ASH1L: variants seen among roughly 807,000 people sequenced by gnomAD.
ASH1L encodes histone-lysine N-methyltransferase ASH1L.
Under a neutral mutation model 269.0 loss-of-function variants are expected in ASH1L, and 23 were observed. The ratio of observed to expected loss-of-function variants is 0.09; its 90% CI spans 0.06 to 0.12. The LOEUF (loss-of-function observed/expected upper bound fraction) is 0.12, where lower values mean the gene tolerates loss of function less well. ASH1L is among the 10% of genes least tolerant of loss of function. The pLI is 1.00. For missense variants in ASH1L, 2,912 were observed against 3,567.8 expected, an observed-to-expected ratio of 0.82 and a Z score of 4.68; for synonymous variants, 1,187 against 1,253.5, an observed-to-expected ratio of 0.95 and a Z score of 1.12.
At position 155,393,842 on chromosome 1, in the gene ASH1L, G is replaced by A. The variant is rs115559663; in HGVS notation, c.6103+1617C>T. ...GCTGGGGTTACAGGTGTGAGCCACCGCACCCAGCCTTCTCCTTTTCTTTCA... is the reference window on the plus strand; with the variant it reads ...GCTGGGGTTACAGGTGTGAGCCACCACACCCAGCCTTCTCCTTTTCTTTCA... On this transcript the variant is annotated intron_variant, in intron 7 of 27. Transcript: ENST00000392403. Among the ~76,000 whole-genome samples, 947 of 152,114 alleles carry A rather than the reference G, an allele frequency of 6.2e-3. 10 individuals are homozygous for A. Among genetic ancestry groups the A allele is most frequent in the African/African-American group, 0.022 (916 of 41,500 alleles).
At chr1:155,355,082 G>A (rs541955557) in intron 15 of ASH1L, among the ~76,000 whole-genome samples, 220 of 152,122 alleles carry the variant, frequency 1.4e-3, no homozygotes, top group Non-Finnish European at 2.4e-3. Context: ...TTGAGTCGAC[G>A]TCTCCCTCTG....
chr1:155,389,716 G>C (rs1376724289), intron 7 of ASH1L, among the ~76,000 whole-genome samples: 1 of 151,970 alleles, frequency 6.6e-6, no homozygotes, highest in Non-Finnish European at 1.5e-5. Flanking sequence ...CTATATGCAG[G>C]TTTTTCTTTT....
chr1:155,400,784 A>G (rs1051235896), intron 6 of ASH1L, among the ~76,000 whole-genome samples: 1 of 152,222 alleles, frequency 6.6e-6, no homozygotes, highest in African/African-American at 2.4e-5. Flanking sequence ...ATTTTACTAA[A>G]TTTAGATAAA....
chr1:155,434,280 G>C, intron 5 of ASH1L: 1 of 1,593,906 alleles, frequency 6.3e-7, no homozygotes, highest in Non-Finnish European at 8.5e-7. Flanking sequence ...GCCCTTCTAG[G>C]AATGGGGGAC....
chr1:155,478,266 C>A lies in ASH1L; in HGVS notation c.4604G>T (p.Arg1535Leu), dbSNP rs545474588. ...GERYKHKEKH[R>L]CHMSCPHLSP... ...GAGATGAGGGCAGGACATGTGACAA[C>A]GGTGCTTTTCCTTATGCTTATATCG... Residue 1535 changes from arginine (R) to leucine (L), a missense_variant, in exon 3 of 28, where the codon CGT (arginine) becomes CTT (leucine). Physicochemically the swap from Arg to Leu is moderately radical, Grantham distance 102 (BLOSUM62 -2). Transcript: ENST00000392403. The surrounding 1 kb of genome is among the most constrained non-coding windows in gnomAD (Gnocchi z 4.6). The A allele has an allele frequency of 6.2e-6, 10 of 1,613,948 alleles. No individual in the cohort carries two copies. Among genetic ancestry groups the A allele is most frequent in the Middle Eastern group, 1.6e-4 (1 of 6,084 alleles).
At chr1:155,458,141 T>G (rs1219875166) in intron 4 of ASH1L, among the ~76,000 whole-genome samples, 1 of 152,118 alleles carries the variant, frequency 6.6e-6, no homozygotes, top group Non-Finnish European at 1.5e-5. Flanking sequence ...AGTACAAAAG[T>G]CTCTCCATGG....
chr1:155,444,075 C>T (rs1251918567), intron 4 of ASH1L, among the ~76,000 whole-genome samples: 1 of 150,978 alleles, frequency 6.6e-6, no homozygotes, highest in Non-Finnish European at 1.5e-5. Flanking sequence ...CCTCTGCCTC[C>T]CGGGTTCAAG....
intron 16 of ASH1L, among the ~76,000 whole-genome samples, chr1:155,353,143 G>C (rs1654076712): frequency 6.6e-6 from 1 of 152,166 alleles, no homozygotes; most frequent in South Asian, 2.1e-4. Context: ...CTGAATTCTG[G>C]TGTCACTGCT....
chr1:155,424,978 G>GTTT, intron 5 of ASH1L, among the ~76,000 whole-genome samples: 1 of 145,974 alleles, frequency 6.9e-6, no homozygotes, highest in East Asian at 2.0e-4. Context: ...TAGTTTTTGT[G>GTTT]TTTTTTTTTT....
chr1:155,408,289 G>C (rs1430276595), intron 6 of ASH1L, among the ~76,000 whole-genome samples: 2 of 152,172 alleles, frequency 1.3e-5, no homozygotes, highest in Non-Finnish European at 2.9e-5. Context: ...CTAAATTTGT[G>C]ATAATTTCTT....
chr1:155,485,251 G>A (rs1217130680), intron 2 of ASH1L, among the ~76,000 whole-genome samples: 1 of 51,820 alleles, frequency 1.9e-5, no homozygotes, highest in Non-Finnish European at 4.0e-5. Flanking sequence ...GCGAGATTCC[G>A]TCTCAAAAAA....
At chr1:155,340,558 G>A (rs1652700577) in intron 25 of ASH1L, among the ~76,000 whole-genome samples, 2 of 152,208 alleles carry the variant, frequency 1.3e-5, no homozygotes, top group Non-Finnish European at 2.9e-5. Flanking sequence ...ACTCAAAGAT[G>A]AGGAGCTCAG....
At chr1:155,434,802 G>C (rs1381089232) in intron 5 of ASH1L, among the ~76,000 whole-genome samples, 1 of 152,148 alleles carries the variant, frequency 6.6e-6, no homozygotes, top group Non-Finnish European at 1.5e-5. Context: ...AGTGAGCCGA[G>C]ATTGTGCCAC....
At position 155,479,825 on chromosome 1, in the gene ASH1L, T is replaced by C. The variant is rs369381683; in HGVS notation, c.3045A>G (p.Gln1015=). ...TTGATACCGTATTATGGAGTTTGGATTGCACTTTCCCTTTATTACTTGATT... is the reference window on the plus strand; with the variant it reads ...TTGATACCGTATTATGGAGTTTGGACTGCACTTTCCCTTTATTACTTGATT... The part of the protein sequence containing the change: ...SVESSNKGKV[Q]SKLHNTVSSL... Residue 1015 remains glutamine (Q), a synonymous_variant, in exon 3 of 28, where the codon CAA becomes CAG. Transcript: ENST00000392403. The C allele has an allele frequency of 3.7e-6, 6 of 1,614,010 alleles. No homozygotes were observed. The African/African-American group carries it at 6.7e-5, about 18-fold the overall frequency.
Position 155,562,044 on chromosome 1 carries a change from T to C in ASH1L, c.-100+109A>G, listed in dbSNP as rs1672012584. On this transcript the variant is annotated intron_variant, in intron 1 of 27. Coordinates refer to ENST00000392403, the MANE Select transcript of ASH1L (RefSeq NM_018489.3). The stretch of plus-strand genomic sequence containing the variant: ...TCCCCTCCCCCATCTTCACCACTGC[T>C]CTCTCAGAGATCCAGGTCCGGGAGA... 5 of 779,122 alleles carry C rather than the reference T, an allele frequency of 6.4e-6. No individual in the cohort carries two copies. In the South Asian group the frequency reaches 7.2e-5, roughly 11 times the overall value. 48.3% of individuals were successfully genotyped at this position (779,122 alleles called of 1,614,324 possible).
chr1:155,441,633 A>T (rs554644451), intron 4 of ASH1L, among the ~76,000 whole-genome samples: 82 of 146,916 alleles, frequency 5.6e-4, no homozygotes, highest in Non-Finnish European at 1.2e-3. Context: ...TGGCTAATTT[A>T]TTTTTGTATT....
chr1:155,551,584 C>T (rs1429084339), intron 1 of ASH1L, among the ~76,000 whole-genome samples: 1 of 136,878 alleles, frequency 7.3e-6, no homozygotes, highest in Non-Finnish European at 1.6e-5. Flanking sequence ...GGCGTGAACC[C>T]GGGAGGCGGA....
chr1:155,424,077 C>A lies in ASH1L; in HGVS notation c.5829-8154G>T, dbSNP rs755781701. ...CAGCTGCAGACCCCAATCTATGGTACATATCAAGCAGTTCAACTTTTTGTT... is the reference window on the plus strand; with the variant it reads ...CAGCTGCAGACCCCAATCTATGGTAAATATCAAGCAGTTCAACTTTTTGTT... On this transcript the variant is annotated intron_variant, in intron 5 of 27. Coordinates refer to ENST00000392403, the MANE Select transcript of ASH1L (RefSeq NM_018489.3). Among the ~76,000 whole-genome samples the A allele has an allele frequency of 2.0e-5, 3 of 152,138 alleles. No homozygotes were observed. In the South Asian group the frequency reaches 6.2e-4, roughly 32 times the overall value.
At chr1:155,512,479 T>G (rs1571026991) in intron 2 of ASH1L, among the ~76,000 whole-genome samples, 1 of 116,708 alleles carries the variant, frequency 8.6e-6, no homozygotes, top group Non-Finnish European at 1.7e-5. Context: ...TGAGATGGAG[T>G]CTCACTCTGT....
Sources: gnomAD v4.1 joint callset for allele counts (sites outside exome capture counted in the v4.1 genomes callset) on GRCh38, gnomAD v4.1.1 for gene constraint, Gnocchi (gnomAD v3.1) non-coding constraint, MANE v1.5 for transcripts, NCBI Gene and HGNC (gene_info 2026-07-23, HGNC 2026-07-21) for gene names.